CENPP: variants seen among roughly 807,000 people sequenced by gnomAD.
The protein encoded by CENPP is centromere protein P.
In CENPP, 24 loss-of-function variants were observed where a neutral mutation model predicts 35.6. That is an observed-to-expected ratio of 0.67 (90% CI 0.49 to 0.95). CENPP has a LOEUF of 0.95. Ranked by LOEUF, CENPP falls within the 40% of genes least tolerant of loss-of-function variation. The pLI is 0.00. For synonymous variants in CENPP, 120 were observed against 125.5 expected, an observed-to-expected ratio of 0.96 and a Z score of 0.29; for missense variants, 332 against 345.3, an observed-to-expected ratio of 0.96 and a Z score of 0.31.
chr9:92,554,783 G>A (rs1354675656), intron 5 of CENPP, among the ~76,000 whole-genome samples: 2 of 151,914 alleles, frequency 1.3e-5, no homozygotes, highest in African/African-American at 2.4e-5. Context: ...GACTACAGGC[G>A]CCTGCCACTG....
chr9:92,378,650 C>T (rs993339497), intron 4 of CENPP, among the ~76,000 whole-genome samples: 7 of 152,160 alleles, frequency 4.6e-5, no homozygotes, highest in South Asian at 2.1e-4. Context: ...ACTCAACTCC[C>T]GCAATCATTT....
chr9:92,447,196 C>T (rs754721935), intron 5 of CENPP, among the ~76,000 whole-genome samples: 1 of 151,170 alleles, frequency 6.6e-6, no homozygotes, highest in African/African-American at 2.5e-5. Context: ...GTGATTCAGT[C>T]GCATTACATT....
chr9:92,616,194 A>T lies in CENPP; in HGVS notation c.*3045A>T. ...GACTTCTGCAAAGTTAGATAAATCA[A>T]TCTCTTTTAAAAGAGAAGTGAATGG... On this transcript the variant is annotated 3_prime_UTR_variant, in exon 8 of 8. Coordinates refer to ENST00000375587, the MANE Select transcript of CENPP (RefSeq NM_001012267.3). 1.6e-6 allele frequency: 1 copy of T among 639,924 alleles called. No individual in the cohort carries two copies. The highest frequency in any genetic ancestry group is 2.7e-6 in the Non-Finnish European group (1 of 369,696). 39.6% of individuals were successfully genotyped at this position (639,924 alleles called of 1,614,324 possible). A position where few individuals can be genotyped will look rare whatever the true frequency, so the allele number is the denominator to read the frequency against.
At chr9:92,469,667 C>T (rs1845437219) in intron 5 of CENPP, among the ~76,000 whole-genome samples, 1 of 152,078 alleles carries the variant, frequency 6.6e-6, no homozygotes, top group Non-Finnish European at 1.5e-5. Context: ...GGGAAATGGC[C>T]TGGAATAGCC....
intron 5 of CENPP, among the ~76,000 whole-genome samples, chr9:92,494,706 A>G (rs182148460): frequency 2.6e-5 from 4 of 152,282 alleles, no homozygotes; most frequent in African/African-American, 9.6e-5. Context: ...CAAGAGATTG[A>G]GACCATCCTG....
rs987059198 is a variant in CENPP, at chr9:92,476,705, T to TACA, written c.564+96846_564+96847insACA. On this transcript the variant is annotated intron_variant, in intron 5 of 7. Transcript: ENST00000375587. The surrounding 1 kb of genome is among the most constrained non-coding windows in gnomAD (Gnocchi z 4.1). ...AGCCTCCCATCTGTACACTACTTTG[T>TACA]GGAGGTGTTAATTCAGATGTTATTC... 2.6e-5 allele frequency among the ~76,000 whole-genome samples: 4 copies of TACA among 152,198 alleles called. No homozygotes were observed. Among genetic ancestry groups the TACA allele is most frequent in the Non-Finnish European group, 5.9e-5 (4 of 68,036 alleles).
intron 5 of CENPP, chr9:92,417,025 C>T: frequency 6.2e-7 from 1 of 1,613,988 alleles, no homozygotes; most frequent in East Asian, 2.2e-5. Context: ...TAGCATTTGT[C>T]TGCAGTTTGG....
Position 92,588,310 on chromosome 9 carries a change from G to A in CENPP, c.565-23004G>A, listed in dbSNP as rs559970666. Among the ~76,000 whole-genome samples, 596 of 151,384 alleles carry A rather than the reference G, an allele frequency of 3.9e-3. 2 individuals carry two copies. Among genetic ancestry groups the A allele is most frequent in the Middle Eastern group, 6.8e-3 (2 of 292 alleles). ...GTCGCCCAGGCTGGAGTGCAGTGGC[G>A]CGATCTCGGCTCACTGCAAGCTCTG... is the stretch of plus-strand genomic sequence containing the variant. On this transcript the variant is annotated intron_variant, in intron 5 of 7. Transcript: ENST00000375587.
At chr9:92,334,010 A>G (rs928606172) in intron 2 of CENPP, among the ~76,000 whole-genome samples, 4 of 152,020 alleles carry the variant, frequency 2.6e-5, no homozygotes, top group Non-Finnish European at 4.4e-5. Flanking sequence ...TTCAGTGCCT[A>G]TGATGATTCT....
At chr9:92,445,744 C>T (rs1251011404) in intron 5 of CENPP, among the ~76,000 whole-genome samples, 1 of 151,764 alleles carries the variant, frequency 6.6e-6, no homozygotes. Context: ...ATTAGCTGGG[C>T]GTGTTGGTAG....
At chr9:92,527,088 A>C (rs1418761859) in intron 5 of CENPP, among the ~76,000 whole-genome samples, 3 of 152,206 alleles carry the variant, frequency 2.0e-5, no homozygotes, top group Non-Finnish European at 2.9e-5. Context: ...AGCTCACTGC[A>C]ACCTCCGCTT....
chr9:92,466,333 T>C (rs1167761229), intron 5 of CENPP: 4 of 1,371,310 alleles, frequency 2.9e-6, no homozygotes, highest in Admixed American at 1.7e-5. Flanking sequence ...AATTTCAAGA[T>C]GTCCCATTCA....
chr9:92,362,462 G>A (rs1462515509), intron 4 of CENPP, among the ~76,000 whole-genome samples: 1 of 151,982 alleles, frequency 6.6e-6, no homozygotes, highest in African/African-American at 2.4e-5. Context: ...ATCATCTATT[G>A]TGATCAGTTG....
intron 5 of CENPP, among the ~76,000 whole-genome samples, chr9:92,432,427 T>G (rs1844135226): frequency 6.6e-6 from 1 of 152,248 alleles, no homozygotes; most frequent in African/African-American, 2.4e-5. Context: ...ATCTTTAGTA[T>G]CTAGACAGCT....
At position 92,618,498 on chromosome 9, in the gene CENPP, A is replaced by T. The variant is rs1851517655; in HGVS notation, c.*5349A>T. 1 of 456,714 alleles carries T rather than the reference A, an allele frequency of 2.2e-6. No individual in the cohort carries two copies. The highest frequency in any genetic ancestry group is 4.4e-6 in the Non-Finnish European group (1 of 226,970). The allele number at this position is 456,714 out of a possible 1,614,324, so 28.3% of individuals were successfully genotyped here. A position where few individuals can be genotyped will look rare whatever the true frequency, so the allele number is the denominator to read the frequency against. On this transcript the variant is annotated 3_prime_UTR_variant, in exon 8 of 8. Transcript: ENST00000375587. ...ACCTAAGGGCACCCTGCATCCAAGC[A>T]CATTTCCATTGCCCAGCTGCATCCT...
chr9:92,472,376 T>C (rs1845555297), intron 5 of CENPP, among the ~76,000 whole-genome samples: 1 of 148,110 alleles, frequency 6.8e-6, no homozygotes, highest in Admixed American at 6.8e-5. Flanking sequence ...AATAAAAAAA[T>C]AGGCTGGGCG....
At chr9:92,554,136 G>A (rs769183632) in intron 5 of CENPP, among the ~76,000 whole-genome samples, 35 of 152,082 alleles carry the variant, frequency 2.3e-4, no homozygotes, top group South Asian at 1.0e-3. Flanking sequence ...GGATTTTGTT[G>A]AATGTTTATT....
chr9:92,579,769 T>C (rs1428278097), intron 5 of CENPP, among the ~76,000 whole-genome samples: 4 of 129,662 alleles, frequency 3.1e-5, no homozygotes, highest in African/African-American at 1.1e-4. Flanking sequence ...TGACTTCCTC[T>C]TTTCCTAATT....
chr9:92,533,329 ATATATATATATATATAT>A (rs1214122401), intron 5 of CENPP, among the ~76,000 whole-genome samples: 1 of 43,536 alleles, frequency 2.3e-5, no homozygotes, highest in African/African-American at 9.7e-5. Context: ...AAAAAAAAAA[ATATATATATATATATAT>A]ATATATATAT....
Sources: allele counts gnomAD v4.1 joint callset (sites outside exome capture counted in the v4.1 genomes callset), GRCh38; gene constraint gnomAD v4.1.1; non-coding constraint Gnocchi (gnomAD v3.1); transcripts MANE v1.5; gene names NCBI Gene and HGNC (gene_info 2026-07-23, HGNC 2026-07-21).